Variants in EYS observed in about 807,000 individuals in gnomAD.
EYS encodes the protein protein eyes shut homolog.
EYS carries 250 observed loss-of-function variants against 282.1 expected under a neutral mutation model. The observed-to-expected ratio is 0.89, with a 90% CI of 0.80 to 0.98. EYS has a LOEUF of 0.98. Among genes scored for constraint, EYS ranks in the 50% least tolerant of loss-of-function variants. EYS has a pLI of 0.00. For missense variants in EYS, 4,016 were observed against 3,709.0 expected (o/e 1.08, Z -2.15); for synonymous variants, 1,355 against 1,282.9 (o/e 1.06, Z -1.20).
intron 23 of EYS, among the ~76,000 whole-genome samples, chr6:64,620,168 A>T (rs1342757055): frequency 6.6e-6 from 1 of 152,148 alleles, no homozygotes. Context: ...AACACCAAGA[A>T]CCACAGGTAT....
chr6:65,209,539 A>C (rs1766120719), intron 12 of EYS, among the ~76,000 whole-genome samples: 1 of 151,902 alleles, frequency 6.6e-6, no homozygotes, highest in African/African-American at 2.4e-5. Context: ...TTAATGTTTT[A>C]TGCATTTGTT....
At chr6:63,955,229 A>G (rs1361095412) in intron 35 of EYS, among the ~76,000 whole-genome samples, 1 of 151,952 alleles carries the variant, frequency 6.6e-6, no homozygotes, top group Non-Finnish European at 1.5e-5. Context: ...CTTCATCCCT[A>G]TCTTCTGTCT....
chr6:65,381,848 A>G, intron 8 of EYS, among the ~76,000 whole-genome samples: 1 of 152,020 alleles, frequency 6.6e-6, no homozygotes, highest in East Asian at 1.9e-4. Flanking sequence ...CTTAATTTTA[A>G]GAATTTTAAA....
chr6:64,264,063 T>G (rs1481662927), intron 30 of EYS, among the ~76,000 whole-genome samples: 1 of 151,646 alleles, frequency 6.6e-6, no homozygotes, highest in Non-Finnish European at 1.5e-5. Context: ...GTATAGATAT[T>G]TTAGATGGAA....
intron 26 of EYS, among the ~76,000 whole-genome samples, chr6:64,449,501 G>T (rs1422717297): frequency 6.6e-6 from 1 of 152,090 alleles, no homozygotes; most frequent in Admixed American, 6.6e-5. Flanking sequence ...AGGAAATACA[G>T]AGAATGCCAC....
chr6:65,024,885 G>A (rs1238851171), intron 13 of EYS, among the ~76,000 whole-genome samples: 1 of 152,148 alleles, frequency 6.6e-6, no homozygotes, highest in South Asian at 2.1e-4. Context: ...TCAGTCAAAT[G>A]ATTAGTTTCA....
At chr6:64,010,835 A>G (rs1017569261) in intron 33 of EYS, among the ~76,000 whole-genome samples, 3 of 152,184 alleles carry the variant, frequency 2.0e-5, no homozygotes, top group Non-Finnish European at 4.4e-5. Context: ...GTCCATTCAC[A>G]GAGCTGACAG....
At chr6:64,184,507 C>A (rs183466492) in intron 31 of EYS, among the ~76,000 whole-genome samples, 1 of 152,120 alleles carries the variant, frequency 6.6e-6, no homozygotes, top group East Asian at 1.9e-4. Context: ...AAAGCCACTT[C>A]GCTTTCTGCG....
At chr6:63,834,703 C>A (rs1039294384) in intron 36 of EYS, among the ~76,000 whole-genome samples, 5 of 151,456 alleles carry the variant, frequency 3.3e-5, no homozygotes, top group Non-Finnish European at 7.4e-5. Context: ...CATTACTGGG[C>A]ATATACCCAA....
At chr6:65,648,883 G>T (rs1420737080) in intron 1 of EYS, among the ~76,000 whole-genome samples, 3 of 151,958 alleles carry the variant, frequency 2.0e-5, no homozygotes, top group Non-Finnish European at 4.4e-5. Flanking sequence ...GGTGGCTCAT[G>T]CCTGTAATCC....
In EYS at chr6:65,402,535, G is replaced by C; in HGVS notation, c.1127C>G (p.Ser376Ter). Residue 376 changes from serine (S) to a stop codon, truncating the protein, a stop_gained, in exon 7 of 43, where the codon TCA (serine) becomes TGA (stop). Transcript: ENST00000503581. LOFTEE classifies it high-confidence loss of function. ...TGTAGCATTATTCCTCAAAGGAAAT[G>C]ACTCACATGATGTTTGAATGCTCTT... ...LCKSIQTSCE[S>*]FPLRNNATCK... 1.3e-6 allele frequency: 2 copies of C among 1,550,736 alleles called. No homozygotes were observed. Among genetic ancestry groups the C allele is most frequent in the Non-Finnish European group, 1.8e-6 (2 of 1,123,410 alleles).
At chr6:63,768,883 A>G (rs1490645945) in intron 40 of EYS, among the ~76,000 whole-genome samples, 1 of 152,148 alleles carries the variant, frequency 6.6e-6, no homozygotes, top group Non-Finnish European at 1.5e-5. Context: ...ATGGAATACT[A>G]CACAGCCATT....
At chr6:64,270,466 C>T (rs560268321) in intron 30 of EYS, among the ~76,000 whole-genome samples, 10 of 152,008 alleles carry the variant, frequency 6.6e-5, no homozygotes, top group South Asian at 4.1e-4. Context: ...AAAGCACCTA[C>T]GTCTAATCTA....
intron 24 of EYS, among the ~76,000 whole-genome samples, chr6:64,614,599 C>A (rs1373847249): frequency 1.3e-5 from 2 of 152,012 alleles, no homozygotes; most frequent in Non-Finnish European, 1.5e-5. Flanking sequence ...TTACGATAAA[C>A]CCATCAAAAG....
intron 30 of EYS, among the ~76,000 whole-genome samples, chr6:64,292,199 T>C (rs1468674511): frequency 6.6e-6 from 1 of 152,156 alleles, no homozygotes; most frequent in Admixed American, 6.6e-5. Context: ...TTAAGCTCTC[T>C]AGTTCCCATC....
chr6:65,561,973 T>A (rs1769076725), intron 2 of EYS, among the ~76,000 whole-genome samples: 2 of 151,468 alleles, frequency 1.3e-5, no homozygotes, highest in African/African-American at 4.8e-5. Context: ...AATATCCTAA[T>A]TTCTCCACCA....
intron 41 of EYS, among the ~76,000 whole-genome samples, chr6:63,751,846 T>A (rs1769346632): frequency 6.6e-6 from 1 of 152,248 alleles, no homozygotes; most frequent in Non-Finnish European, 1.5e-5. Context: ...TGAACAACTC[T>A]ACTTAACAGT....
At chr6:64,744,962 A>G (rs1772503839) in intron 22 of EYS, among the ~76,000 whole-genome samples, 1 of 152,142 alleles carries the variant, frequency 6.6e-6, no homozygotes, top group Non-Finnish European at 1.5e-5. Flanking sequence ...ACAGTTATGA[A>G]AAAATTTCTA....
chr6:64,892,672 T>C (rs893826152), intron 18 of EYS, among the ~76,000 whole-genome samples: 1 of 152,060 alleles, frequency 6.6e-6, no homozygotes, highest in Non-Finnish European at 1.5e-5. Flanking sequence ...TATATATAAA[T>C]ATATGTCTAC....
Sources: allele counts gnomAD v4.1 joint callset (sites outside exome capture counted in the v4.1 genomes callset), GRCh38; gene constraint gnomAD v4.1.1; transcripts MANE v1.5; gene names NCBI Gene and HGNC (gene_info 2026-07-23, HGNC 2026-07-21).